The following TMEM184C variants were observed in gnomAD, a reference collection of about 807,000 sequenced individuals.
TMEM184C encodes the protein transmembrane protein 34.
A neutral mutation model predicts 54.5 loss-of-function variants in TMEM184C; 25 were observed. The ratio of observed to expected loss-of-function variants is 0.46; its 90% CI spans 0.33 to 0.64. The LOEUF (loss-of-function observed/expected upper bound fraction) is 0.64. Ranked by LOEUF, TMEM184C falls within the 30% of genes least tolerant of loss-of-function variation. TMEM184C has a pLI of 0.02. For missense variants in TMEM184C, 335 were observed against 520.3 expected (o/e 0.64, Z 3.46); for synonymous variants, 148 against 181.5 (o/e 0.82, Z 1.49).
intron 1 of TMEM184C, among the ~76,000 whole-genome samples, chr4:147,618,545 C>A (rs965458058): frequency 6.6e-6 from 1 of 152,088 alleles, no homozygotes; most frequent in Admixed American, 6.5e-5. Context: ...AAAGGTTTTG[C>A]AAAAAGTCCC....
In TMEM184C at chr4:147,635,417, A is replaced by G. The variant is rs1031328100; in HGVS notation, c.*983A>G. On this transcript the variant is annotated 3_prime_UTR_variant, in exon 10 of 10. Transcript: ENST00000296582. ...AATTACTCATTAAACCACAGTCAGAAAGACATATAGGTGCTATTTGGGAAA... is the reference window on the plus strand; with the variant it reads ...AATTACTCATTAAACCACAGTCAGAGAGACATATAGGTGCTATTTGGGAAA... The G allele has an allele frequency of 6.6e-6, 1 of 152,228 alleles. No homozygotes were observed. Among genetic ancestry groups the G allele is most frequent in the Non-Finnish European group, 1.5e-5 (1 of 68,044 alleles). 9.4% of individuals were successfully genotyped at this position (152,228 alleles called of 1,614,324 possible). A position where few individuals can be genotyped will look rare whatever the true frequency, so the allele number is the denominator to read the frequency against.
At chr4:147,632,226 A>G (rs1732930768) in intron 7 of TMEM184C, among the ~76,000 whole-genome samples, 1 of 151,992 alleles carries the variant, frequency 6.6e-6, no homozygotes, top group Non-Finnish European at 1.5e-5. Context: ...GGGTCCTAGA[A>G]ACAAATACAC....
rs2126556796 is a variant in TMEM184C, at chr4:147,635,447, T to G, written c.*1013T>G. On this transcript the variant is annotated 3_prime_UTR_variant, in exon 10 of 10. Coordinates refer to ENST00000296582, the MANE Select transcript of TMEM184C (RefSeq NM_018241.3). ...ATATAGGTGCTATTTGGGAAAACTT[T>G]TTATTACCTAGGATGGGGTTTCTCT... is the stretch of plus-strand genomic sequence containing the variant. 1 of 152,316 alleles carries G rather than the reference T, an allele frequency of 6.6e-6. No homozygotes were observed. Among genetic ancestry groups the G allele is most frequent in the Admixed American group, 6.5e-5 (1 of 15,292 alleles). 9.4% of individuals were successfully genotyped at this position (152,316 alleles called of 1,614,324 possible). A position where few individuals can be genotyped will look rare whatever the true frequency, so the allele number is the denominator to read the frequency against.
intron 4 of TMEM184C, among the ~76,000 whole-genome samples, chr4:147,625,641 T>C (rs981456448): frequency 6.6e-6 from 1 of 152,028 alleles, no homozygotes; most frequent in Non-Finnish European, 1.5e-5. Flanking sequence ...GAGAAATAAA[T>C]TAGGAGTTTA....
At chr4:147,618,133 TG>T (rs573192315) in intron 1 of TMEM184C, 54 bp downstream of exon 1, 98 of 1,609,006 alleles carry the variant, frequency 6.1e-5, no homozygotes, top group Non-Finnish European at 8.2e-5. Context: ...CATCTATGGT[TG>T]GGAAAGAGAC....
chr4:147,633,132 G>A, intron 8 of TMEM184C, 130 bp downstream of exon 8: 1 of 659,690 alleles, frequency 1.5e-6, no homozygotes, highest in Non-Finnish European at 2.5e-6. Context: ...GAAAACAGGG[G>A]AACCCTAGAG....
intron 4 of TMEM184C, among the ~76,000 whole-genome samples, chr4:147,626,945 C>G (rs367981316): frequency 6.6e-6 from 1 of 152,244 alleles, no homozygotes; most frequent in East Asian, 1.9e-4. Context: ...AGGGGGTCAG[C>G]GAATGCAGAA....
chr4:147,632,954 G>C lies in TMEM184C; in HGVS notation c.831G>C (p.Lys277Asn), dbSNP rs150847892. Residue 277 changes from lysine to asparagine, a missense_variant, in exon 8 of 10, where the codon AAG (lysine) becomes AAC (asparagine). By Grantham distance (94) the Lys-to-Asn change is moderately conservative. Transcript: ENST00000296582. ...TAAAAGTTGGCGTTATTTCTGAAAA[G>C]CATACGTGGGAATGGCAAACTGTAG... ...LLVKVGVISE[K>N]HTWEWQTVEA... 3 of 1,613,916 alleles carry C rather than the reference G, an allele frequency of 1.9e-6. No individual in the cohort carries two copies. In the African/African-American group the frequency reaches 4.0e-5, roughly 22 times the overall value.
chr4:147,619,666 C>T (rs1732670590), intron 1 of TMEM184C, among the ~76,000 whole-genome samples: 1 of 152,114 alleles, frequency 6.6e-6, no homozygotes, highest in Admixed American at 6.5e-5. Context: ...GTATAGGAAC[C>T]ACTTTAAAGG....
chr4:147,621,981 T>C (rs1421644667), intron 1 of TMEM184C, among the ~76,000 whole-genome samples: 2 of 100,420 alleles, frequency 2.0e-5, no homozygotes, highest in Admixed American at 1.6e-4. Flanking sequence ...TTTTTTCTTT[T>C]TTTCTTTCTT....
At chr4:147,631,655 C>T in intron 7 of TMEM184C, 150 bp downstream of exon 7, 2 of 636,386 alleles carry the variant, frequency 3.1e-6, no homozygotes, top group Admixed American at 3.5e-5. Context: ...AGCCCTTCTA[C>T]AATTTTCAAA....
chr4:147,622,589 C>T (rs145062864), intron 1 of TMEM184C, among the ~76,000 whole-genome samples: 2 of 151,940 alleles, frequency 1.3e-5, no homozygotes, highest in East Asian at 3.9e-4. Flanking sequence ...GAACCTAATC[C>T]CCACATATAA....
chr4:147,628,250 A>T (rs983207188), intron 4 of TMEM184C, 111 bp from the exon 5 acceptor site: 15 of 790,100 alleles, frequency 1.9e-5, no homozygotes, highest in Non-Finnish European at 2.9e-5. Context: ...TGAAAGAATT[A>T]ACTGTAAATA....
chr4:147,623,505 A>C (rs1233430450), intron 1 of TMEM184C, among the ~76,000 whole-genome samples: 1 of 151,836 alleles, frequency 6.6e-6, no homozygotes, highest in Non-Finnish European at 1.5e-5. Context: ...TTTAATTGTA[A>C]ACTGCTCAAC....
intron 1 of TMEM184C, among the ~76,000 whole-genome samples, chr4:147,621,439 A>G (rs933240693): frequency 6.6e-6 from 1 of 152,194 alleles, no homozygotes. Context: ...CTCATGGCTG[A>G]TAAAGATTAA....
intron 3 of TMEM184C, among the ~76,000 whole-genome samples, chr4:147,624,382 G>A (rs539415271): frequency 3.3e-5 from 5 of 149,722 alleles, no homozygotes; most frequent in Non-Finnish European, 5.9e-5. Context: ...TATTTATTAC[G>A]TCTTTTATTT....
rs574947010 is a variant in TMEM184C at position 147,630,568 on chromosome 4, A to G, written c.667-825A>G. Among the ~76,000 whole-genome samples, 3 of 152,228 alleles carry G rather than the reference A, an allele frequency of 2.0e-5. No homozygotes were observed. The South Asian group carries it at 6.2e-4, about 32-fold the overall frequency. On this transcript the variant is annotated intron_variant, in intron 6 of 9. Coordinates refer to ENST00000296582, the MANE Select transcript of TMEM184C (RefSeq NM_018241.3). ...CACTGTGGTCTTTCCATTGGCCAAAATATTAGGCAGTTACTAAAAATAAGC... is the reference window on the plus strand; with the variant it reads ...CACTGTGGTCTTTCCATTGGCCAAAGTATTAGGCAGTTACTAAAAATAAGC...
chr4:147,620,719 T>C (rs1010017465), intron 1 of TMEM184C, among the ~76,000 whole-genome samples: 3 of 152,252 alleles, frequency 2.0e-5, no homozygotes, highest in Non-Finnish European at 2.9e-5. Flanking sequence ...TCAAAGATGA[T>C]TCTGAAGTTT....
At chr4:147,619,055 G>A (rs1056845632) in intron 1 of TMEM184C, among the ~76,000 whole-genome samples, 3 of 151,874 alleles carry the variant, frequency 2.0e-5, no homozygotes, top group African/African-American at 7.3e-5. Context: ...TTTTAGTAGC[G>A]ACGGGGTTTC....
Sources: allele counts gnomAD v4.1 joint callset (sites outside exome capture counted in the v4.1 genomes callset), GRCh38; gene constraint gnomAD v4.1.1; transcripts MANE v1.5; gene names NCBI Gene and HGNC (gene_info 2026-07-23, HGNC 2026-07-21).